ZFP3: variants seen among roughly 807,000 people sequenced by gnomAD.
ZFP3 encodes zinc finger protein 3 homolog.
Under a neutral mutation model 36.7 loss-of-function variants are expected in ZFP3, and 18 were observed. The observed-to-expected ratio is 0.49, with a 90% confidence interval of 0.34 to 0.73. The LOEUF (loss-of-function observed/expected upper bound fraction) is 0.73, where lower values mean the gene tolerates loss of function less well. Ranked by LOEUF, ZFP3 falls within the 30% of genes least tolerant of loss-of-function variation. ZFP3 has a pLI of 0.01. For missense variants in ZFP3, 495 were observed against 599.0 expected, an observed-to-expected ratio of 0.83 and a Z score of 1.81; for synonymous variants, 218 against 199.0, an observed-to-expected ratio of 1.10 and a Z score of -0.81.
Position 5,093,090 on chromosome 17 carries a change from C to A in ZFP3, c.*77C>A. Reference sequence around the variant, plus strand: ...TTTGTTCATAATATGCAAATATGCACCCCAAGTATTCAAATCCAATGAATG... The same window carrying A: ...TTTGTTCATAATATGCAAATATGCAACCCAAGTATTCAAATCCAATGAATG... On this transcript the variant is annotated 3_prime_UTR_variant, in exon 2 of 2. Coordinates refer to ENST00000318833, the MANE Select transcript of ZFP3 (RefSeq NM_153018.3). 2.1e-6 allele frequency: 3 copies of A among 1,404,384 alleles called. No homozygotes were observed. The highest frequency in any genetic ancestry group is 2.3e-5 in the East Asian group (1 of 42,616). 87.0% of individuals were successfully genotyped at this position (1,404,384 alleles called of 1,614,324 possible).
chr17:5,086,574 C>G (rs2072121881), intron 1 of ZFP3, among the ~76,000 whole-genome samples: 1 of 147,188 alleles, frequency 6.8e-6, no homozygotes, highest in Non-Finnish European at 1.5e-5. Flanking sequence ...TCTTGGTCTT[C>G]TCCTTTCATC....
At chr17:5,083,160 T>C (rs901038284) in intron 1 of ZFP3, among the ~76,000 whole-genome samples, 3 of 152,120 alleles carry the variant, frequency 2.0e-5, no homozygotes, top group Non-Finnish European at 4.4e-5. Context: ...GAACTGGCAA[T>C]GTACCCATAA....
intron 1 of ZFP3, among the ~76,000 whole-genome samples, chr17:5,084,267 CTTTTTTTTTTTTT>C (rs59148082): frequency 8.3e-5 from 5 of 60,092 alleles, no homozygotes; most frequent in Admixed American, 3.1e-4. Flanking sequence ...GTGAATGAGG[CTTTTTTTTTTTTT>C]TTTTTTTTTT....
In ZFP3 at chr17:5,093,056, A is replaced by G. The variant is rs190279307; in HGVS notation, c.*43A>G. The G allele has an allele frequency of 6.0e-3, 9,089 of 1,518,630 alleles. 43 individuals carry two copies. Among genetic ancestry groups the G allele is most frequent in the Non-Finnish European group, 7.2e-3 (8,173 of 1,135,476 alleles). 94.1% of individuals were successfully genotyped at this position (1,518,630 alleles called of 1,614,324 possible). A position where few individuals can be genotyped will look rare whatever the true frequency, so the allele number is the denominator to read the frequency against. On this transcript the variant is annotated 3_prime_UTR_variant, in exon 2 of 2. Transcript: ENST00000318833. ...CTTTTAGTGGAAAAGCTAAAGTCCA[A>G]CTTATTCATTTGTTCATAATATGCA... is the stretch of plus-strand genomic sequence containing the variant.
At chr17:5,082,456 A>G (rs1223729137) in intron 1 of ZFP3, among the ~76,000 whole-genome samples, 1 of 152,216 alleles carries the variant, frequency 6.6e-6, no homozygotes, top group African/African-American at 2.4e-5. Context: ...TGCCATACAG[A>G]GACAATTTGT....
chr17:5,089,154 C>G (rs1209717903), intron 1 of ZFP3, among the ~76,000 whole-genome samples: 3 of 152,088 alleles, frequency 2.0e-5, no homozygotes, highest in Non-Finnish European at 2.9e-5. Flanking sequence ...AATAAAAAAC[C>G]CCCAATATCT....
At position 5,092,480 on chromosome 17, in the gene ZFP3, C is replaced by T. The variant is rs1340634652; in HGVS notation, c.976C>T (p.Arg326Trp). The T allele has an allele frequency of 1.2e-5, 19 of 1,613,784 alleles. No homozygotes were observed. The highest frequency in any genetic ancestry group is 2.2e-5 in the East Asian group (1 of 44,888). ...KGFGQSSELI[R>W]HQRIHTGDKP... The stretch of plus-strand genomic sequence containing the variant: ...CTTCGGGCAGAGTTCTGAGCTTATC[C>T]GGCATCAGAGAATTCATACAGGGGA... Residue 326 changes from arginine (R) to tryptophan (W), a missense_variant, in exon 2 of 2, where the codon CGG becomes TGG. Coordinates refer to ENST00000318833, the MANE Select transcript of ZFP3 (RefSeq NM_153018.3). This position sits in a 1 kb window ranked among gnomAD's most constrained non-coding sequence, Gnocchi z 5.0.
chr17:5,086,274 T>G (rs1033138370), intron 1 of ZFP3, among the ~76,000 whole-genome samples: 10 of 152,164 alleles, frequency 6.6e-5, no homozygotes, highest in African/African-American at 1.7e-4. Flanking sequence ...GCTGCCCTGA[T>G]GAGTGACTAG....
Position 5,091,975 on chromosome 17 carries a change from C to G in ZFP3, c.471C>G (p.Ile157Met), listed in dbSNP as rs149973732. The G allele has an allele frequency of 3.1e-4, 498 of 1,614,066 alleles. 2 individuals are homozygous for G. The highest frequency in any genetic ancestry group is 1.9e-4 in the Non-Finnish European group (228 of 1,179,936). ...GKAFNQNSHL[I>M]QHMRVHSGEK... ...CCTTTAATCAGAACTCACATCTCAT[C>G]CAGCATATGAGAGTTCATAGTGGAG... Residue 157 changes from isoleucine (I) to methionine (M), a missense_variant, in exon 2 of 2, where the codon ATC (isoleucine) becomes ATG (methionine). Ile to Met is a conservative substitution (Grantham distance 10). This residue lies in a region of ZFP3 where 229 missense variants were observed against 233.8 expected (regional missense o/e 0.98). Coordinates refer to ENST00000318833, the MANE Select transcript of ZFP3 (RefSeq NM_153018.3).
rs1327140692 is a variant in ZFP3, at chr17:5,093,823, T to C, written c.*810T>C. The stretch of plus-strand genomic sequence containing the variant: ...ACAACGGGATTATAAGTGAAGGCCT[T>C]AGAATCCAGAGGGGCCGATTAGGCA... On this transcript the variant is annotated 3_prime_UTR_variant, in exon 2 of 2. Coordinates refer to ENST00000318833, the MANE Select transcript of ZFP3 (RefSeq NM_153018.3). The C allele has an allele frequency of 1.8e-5, 3 of 167,050 alleles. No homozygotes were observed. The highest frequency in any genetic ancestry group is 7.2e-5 in the African/African-American group (3 of 41,444). 10.3% of individuals were successfully genotyped at this position (167,050 alleles called of 1,614,324 possible). A position where few individuals can be genotyped will look rare whatever the true frequency, so the allele number is the denominator to read the frequency against.
Position 5,092,717 on chromosome 17 carries a change from A to C in ZFP3, c.1213A>C (p.Thr405Pro). ...TGAGTGTGGAAAGGCTTTCAGGCGG[A>C]CCTCTCACCTTATTGTCCACCAGAG... is the stretch of plus-strand genomic sequence containing the variant. ...CFECGKAFRR[T>P]SHLIVHQRIH... The change falls in exon 2 of 2, where the codon ACC (threonine) becomes CCC (proline). Residue 405 changes from threonine to proline, a missense_variant. Transcript: ENST00000318833. The surrounding 1 kb of genome is among the most constrained non-coding windows in gnomAD (Gnocchi z 5.0). 1 of 1,614,090 alleles carries C rather than the reference A, an allele frequency of 6.2e-7. No individual in the cohort carries two copies. The highest frequency in any genetic ancestry group is 1.7e-5 in the Admixed American group (1 of 60,006).
chr17:5,091,350 C>A, intron 1 of ZFP3, 147 bp from the exon 2 acceptor site: 2 of 850,374 alleles, frequency 2.4e-6, no homozygotes, highest in Non-Finnish European at 3.5e-6. Context: ...CAGGCTCAAG[C>A]AATCCTCCTG....
chr17:5,090,715 GC>G (rs777352797), intron 1 of ZFP3, among the ~76,000 whole-genome samples: 3 of 151,910 alleles, frequency 2.0e-5, no homozygotes, highest in Non-Finnish European at 2.9e-5. Flanking sequence ...CTGTCACCCA[GC>G]CTGGAGTGCA....
rs2072171193 is a variant in ZFP3, at chr17:5,094,725, C to T, written c.*1712C>T. On this transcript the variant is annotated 3_prime_UTR_variant, in exon 2 of 2. Coordinates refer to ENST00000318833, the MANE Select transcript of ZFP3 (RefSeq NM_153018.3). The stretch of plus-strand genomic sequence containing the variant: ...CTAATATTTATTGAGTGTTTACTAC[C>T]TGACAGGCAGAGTGCCAGTTTACAT... 1 of 166,982 alleles carries T rather than the reference C, an allele frequency of 6.0e-6. No individual in the cohort carries two copies. The allele number at this position is 166,982 out of a possible 1,614,324, so 10.3% of individuals were successfully genotyped here.
intron 1 of ZFP3, among the ~76,000 whole-genome samples, chr17:5,090,378 C>T (rs1481389527): frequency 6.6e-6 from 1 of 152,190 alleles, no homozygotes; most frequent in Non-Finnish European, 1.5e-5. Context: ...GCATAGGTGG[C>T]ATTTTAAATC....
intron 1 of ZFP3, among the ~76,000 whole-genome samples, chr17:5,088,788 G>A (rs1204327083): frequency 1.3e-5 from 2 of 152,170 alleles, no homozygotes; most frequent in Non-Finnish European, 2.9e-5. Context: ...ACGACCACGA[G>A]TGTGCATCTG....
At position 5,092,743 on chromosome 17, in the gene ZFP3, A is replaced by C. The variant is rs781075628; in HGVS notation, c.1239A>C (p.Arg413Ser). The C allele has an allele frequency of 3.1e-6, 5 of 1,614,126 alleles. No individual in the cohort carries two copies. Among genetic ancestry groups the C allele is most frequent in the Non-Finnish European group, 4.2e-6 (5 of 1,180,018 alleles). ...RRTSHLIVHQ[R>S]IHTGEKPHQC... is the part of the protein sequence containing the mutation. ...CCTCTCACCTTATTGTCCACCAGAGAATTCATACTGGAGAGAAACCCCATC... is the reference window on the plus strand; with the variant it reads ...CCTCTCACCTTATTGTCCACCAGAGCATTCATACTGGAGAGAAACCCCATC... The change falls in exon 2 of 2, where the codon AGA (arginine) becomes AGC (serine). Residue 413 changes from arginine to serine, a missense_variant. By Grantham distance (110) the Arg-to-Ser change is moderately radical. Around this residue, in one of 3 missense-constraint regions of ZFP3, gnomAD observed 163 missense variants for 178.4 expected, o/e 0.91. Transcript: ENST00000318833. This position sits in a 1 kb window ranked among gnomAD's most constrained non-coding sequence, Gnocchi z 5.0.
chr17:5,083,866 C>A (rs938025066), intron 1 of ZFP3, among the ~76,000 whole-genome samples: 2 of 150,268 alleles, frequency 1.3e-5, no homozygotes, highest in African/African-American at 5.0e-5. Context: ...CTTTTCTTTT[C>A]TTTTCTTTTC....
intron 1 of ZFP3, among the ~76,000 whole-genome samples, chr17:5,079,985 G>A (rs1288127754): frequency 1.3e-5 from 2 of 152,018 alleles, no homozygotes; most frequent in African/African-American, 4.8e-5. Context: ...GTTGCGGTGA[G>A]CCAAGATTGC....
Sources: gnomAD v4.1 joint callset for allele counts (sites outside exome capture counted in the v4.1 genomes callset) on GRCh38, gnomAD v4.1.1 for gene constraint, gnomAD v4.1.1 regional missense constraint, Gnocchi (gnomAD v3.1) non-coding constraint, MANE v1.5 for transcripts, NCBI Gene and HGNC (gene_info 2026-07-23, HGNC 2026-07-21) for gene names.